Variants in BTBD16 observed in about 807,000 individuals in gnomAD.
BTBD16 encodes BTB/POZ domain-containing protein 16.
A neutral mutation model predicts 67.4 loss-of-function variants in BTBD16; 66 were observed. The ratio of observed to expected loss-of-function variants is 0.98; its 90% CI spans 0.80 to 1.20. The LOEUF (loss-of-function observed/expected upper bound fraction) is 1.20. Ranked by LOEUF, BTBD16 falls within the 50% of genes most tolerant of loss-of-function variation. The pLI, the probability that BTBD16 is intolerant of heterozygous loss-of-function variation, is 0.00. For missense variants in BTBD16, 634 were observed against 616.0 expected, an observed-to-expected ratio of 1.03 and a Z score of -0.31; for synonymous variants, 242 against 236.4, an observed-to-expected ratio of 1.02 and a Z score of -0.22.
chr10:122,317,672 A>AG (rs1554892011), intron 10 of BTBD16, among the ~76,000 whole-genome samples: 1 of 151,396 alleles, frequency 6.6e-6, no homozygotes, highest in African/African-American at 2.4e-5. Context: ...AACAAAAAAA[A>AG]CAAAAAAACA....
intron 10 of BTBD16, among the ~76,000 whole-genome samples, chr10:122,312,142 T>C (rs2096414774): frequency 1.3e-5 from 2 of 152,198 alleles, no homozygotes; most frequent in African/African-American, 2.4e-5. Context: ...ATAGAATTAC[T>C]ATGTCATAGG....
intron 10 of BTBD16, among the ~76,000 whole-genome samples, chr10:122,321,620 A>T (rs1348574400): frequency 6.6e-6 from 1 of 152,160 alleles, no homozygotes; most frequent in Non-Finnish European, 1.5e-5. Context: ...GATGTTAAAC[A>T]TTTTTGCATA....
chr10:122,293,419 G>A (rs994590273), intron 7 of BTBD16, among the ~76,000 whole-genome samples: 3 of 152,172 alleles, frequency 2.0e-5, no homozygotes, highest in African/African-American at 4.8e-5. Flanking sequence ...TGGCAGCCTC[G>A]TTGGGAACGC....
chr10:122,294,059 A>G lies in BTBD16; in HGVS notation c.590+2865A>G, dbSNP rs1459229075. 4.4e-6 allele frequency: 4 copies of G among 913,576 alleles called. No homozygotes were observed. The African/African-American group carries it at 7.2e-5, about 16-fold the overall frequency. The allele number at this position is 913,576 out of a possible 1,614,324, so 56.6% of individuals were successfully genotyped here. The stretch of plus-strand genomic sequence containing the variant: ...CCTTTCATTCCACTGATGAGCAAAC[A>G]TAGGCTTGCCTGAAGCTGATGGGAC... On this transcript the variant is annotated intron_variant, in intron 7 of 15. Coordinates refer to ENST00000260723, the MANE Select transcript of BTBD16 (RefSeq NM_144587.5).
intron 3 of BTBD16, among the ~76,000 whole-genome samples, chr10:122,277,779 C>G (rs2096343997): frequency 6.6e-6 from 1 of 152,124 alleles, no homozygotes; most frequent in Non-Finnish European, 1.5e-5. Flanking sequence ...AAAATGCCTC[C>G]CATTAGGCCC....
Position 122,275,037 on chromosome 10 carries a change from T to C in BTBD16, c.-42-3T>C. 6.2e-7 allele frequency: 1 copy of C among 1,609,874 alleles called. No homozygotes were observed. Among genetic ancestry groups the C allele is most frequent in the African/African-American group, 1.3e-5 (1 of 74,966 alleles). ...TGTCACCTTTACCTCTTTTGTCTTC[T>C]AGGTTGCTTGTCTTTTCTCTCCTGC... On this transcript the variant is annotated splice_region_variant and splice_polypyrimidine_tract_variant and intron_variant, in intron 1 of 15. Coordinates refer to ENST00000260723, the MANE Select transcript of BTBD16 (RefSeq NM_144587.5).
chr10:122,318,939 G>T (rs2142113620), intron 10 of BTBD16, among the ~76,000 whole-genome samples: 1 of 152,260 alleles, frequency 6.6e-6, no homozygotes, highest in Non-Finnish European at 1.5e-5. Context: ...CATTTGTAAT[G>T]GTATCTCATT....
intron 5 of BTBD16, chr10:122,287,546 C>T (rs1490096815): frequency 1.1e-6 from 1 of 895,050 alleles, no homozygotes; most frequent in Non-Finnish European, 1.3e-6. Flanking sequence ...TCCAGGGTCT[C>T]CTCGCAAGTT....
At chr10:122,284,984 C>G (rs1453265068) in intron 4 of BTBD16, among the ~76,000 whole-genome samples, 1 of 152,146 alleles carries the variant, frequency 6.6e-6, no homozygotes, top group Non-Finnish European at 1.5e-5. Flanking sequence ...CTCAGCATAA[C>G]CAGACCACCT....
chr10:122,292,127 C>T (rs2096375269), intron 7 of BTBD16, among the ~76,000 whole-genome samples: 1 of 152,198 alleles, frequency 6.6e-6, no homozygotes, highest in South Asian at 2.1e-4. Flanking sequence ...CAAAAGTAAC[C>T]TGGGTCCGTG....
At chr10:122,328,198 G>C (rs2096448700) in intron 10 of BTBD16, among the ~76,000 whole-genome samples, 2 of 152,194 alleles carry the variant, frequency 1.3e-5, no homozygotes, top group South Asian at 2.1e-4. Flanking sequence ...GTCCCACGAA[G>C]ATGTCAGTGT....
At chr10:122,300,207 T>C (rs987479343) in intron 9 of BTBD16, among the ~76,000 whole-genome samples, 5 of 152,228 alleles carry the variant, frequency 3.3e-5, no homozygotes, top group Admixed American at 6.5e-5. Context: ...AAAAGAACTT[T>C]CTATTTTGTG....
At chr10:122,283,680 A>G (rs112767966) in intron 3 of BTBD16, among the ~76,000 whole-genome samples, 171 bp from the exon 4 acceptor site, 2 of 152,162 alleles carry the variant, frequency 1.3e-5, no homozygotes, top group African/African-American at 4.8e-5. Context: ...GAAAGCCTAC[A>G]GTTTTTCAGA....
chr10:122,302,880 C>T (rs1244826478), intron 9 of BTBD16, among the ~76,000 whole-genome samples: 1 of 152,148 alleles, frequency 6.6e-6, no homozygotes, highest in Non-Finnish European at 1.5e-5. Context: ...CTGAAGGTCT[C>T]CTCATGCAAC....
chr10:122,314,346 T>C (rs2096419978), intron 10 of BTBD16, among the ~76,000 whole-genome samples: 1 of 151,774 alleles, frequency 6.6e-6, no homozygotes, highest in South Asian at 2.1e-4. Flanking sequence ...ACAAAAAAAA[T>C]GTAAAAAATT....
At chr10:122,329,395 C>A in intron 10 of BTBD16, 85 bp from the exon 11 acceptor site, 1 of 1,363,098 alleles carries the variant, frequency 7.3e-7, no homozygotes, top group Non-Finnish European at 1.0e-6. Flanking sequence ...CCACTAGTCT[C>A]TACAACATGG....
At chr10:122,285,635 G>T (rs777856942) in intron 4 of BTBD16, among the ~76,000 whole-genome samples, 4 of 152,174 alleles carry the variant, frequency 2.6e-5, no homozygotes, top group African/African-American at 4.8e-5. Flanking sequence ...AGATGCCAGG[G>T]CTGCTACTGG....
At chr10:122,316,712 AG>A (rs2096425245) in intron 10 of BTBD16, among the ~76,000 whole-genome samples, 1 of 152,170 alleles carries the variant, frequency 6.6e-6, no homozygotes, top group Non-Finnish European at 1.5e-5. Context: ...TTGCAGGACT[AG>A]AAGTTGCTCT....
At chr10:122,331,114 G>A in intron 11 of BTBD16, 62 bp from the exon 12 acceptor site, 2 of 1,568,936 alleles carry the variant, frequency 1.3e-6, no homozygotes, top group Non-Finnish European at 1.7e-6. Flanking sequence ...TTCTGTAAAT[G>A]AGACTTTTGA....
Sources: allele counts gnomAD v4.1 joint callset (sites outside exome capture counted in the v4.1 genomes callset), GRCh38; gene constraint gnomAD v4.1.1; transcripts MANE v1.5; gene names NCBI Gene and HGNC (gene_info 2026-07-23, HGNC 2026-07-21).